Variants in MSRA observed in about 807,000 individuals in gnomAD.
MSRA encodes the protein mitochondrial peptide methionine sulfoxide reductase.
MSRA carries 54 observed loss-of-function variants against 31.3 expected under a neutral mutation model. That is an observed-to-expected ratio of 1.73 (90% confidence interval 1.39 to 2.17). The LOEUF is 2.17. Ranked by LOEUF, MSRA falls within the 30% of genes most tolerant of loss-of-function variation. The pLI is 0.00. For missense variants in MSRA, 507 were observed against 300.9 expected (o/e 1.69, Z -5.07); for synonymous variants, 169 against 116.5 (o/e 1.45, Z -2.90).
chr8:10,414,190 A>T (rs1808323423), intron 5 of MSRA, among the ~76,000 whole-genome samples: 1 of 152,112 alleles, frequency 6.6e-6, no homozygotes, highest in Non-Finnish European at 1.5e-5. Flanking sequence ...AACGAATTTT[A>T]TGTGAACTAC....
chr8:10,394,492 C>T (rs1404860118), intron 5 of MSRA, among the ~76,000 whole-genome samples: 2 of 152,234 alleles, frequency 1.3e-5, no homozygotes, highest in African/African-American at 4.8e-5. Flanking sequence ...ATTTGACTAG[C>T]TCATTTTCAG....
chr8:10,253,113 A>G (rs1276249031), intron 3 of MSRA, among the ~76,000 whole-genome samples: 1 of 152,224 alleles, frequency 6.6e-6, no homozygotes, highest in African/African-American at 2.4e-5. Flanking sequence ...GCTGGCAAGC[A>G]GCAAAACATA....
intron 1 of MSRA, among the ~76,000 whole-genome samples, chr8:10,119,838 G>T (rs1800976819): frequency 6.6e-6 from 1 of 152,124 alleles, no homozygotes; most frequent in Non-Finnish European, 1.5e-5. Context: ...TACCTAAGAG[G>T]GATAATTGGA....
At chr8:10,177,853 A>T (rs1806193436) in intron 1 of MSRA, among the ~76,000 whole-genome samples, 1 of 152,186 alleles carries the variant, frequency 6.6e-6, no homozygotes, top group African/African-American at 2.4e-5. Flanking sequence ...TTTCAATTGA[A>T]TTTGTCTATC....
At chr8:10,097,762 G>A (rs952487323) in intron 1 of MSRA, among the ~76,000 whole-genome samples, 15 of 152,102 alleles carry the variant, frequency 9.9e-5, no homozygotes, top group African/African-American at 3.6e-4. Context: ...TTATTTTCCA[G>A]CAGTATGATC....
At chr8:10,348,542 G>C (rs1803933682) in intron 5 of MSRA, among the ~76,000 whole-genome samples, 1 of 151,672 alleles carries the variant, frequency 6.6e-6, no homozygotes, top group South Asian at 2.1e-4. Context: ...GCTAATTTTT[G>C]TATTTTTAGT....
intron 1 of MSRA, among the ~76,000 whole-genome samples, chr8:10,174,013 C>T (rs954026290): frequency 2.0e-5 from 3 of 152,112 alleles, no homozygotes; most frequent in Admixed American, 6.5e-5. Context: ...GATGTGAGGA[C>T]TCGTGTCTAC....
chr8:10,384,401 A>G, intron 5 of MSRA, among the ~76,000 whole-genome samples: 1 of 152,234 alleles, frequency 6.6e-6, no homozygotes, highest in Non-Finnish European at 1.5e-5. Flanking sequence ...TAAAGCCCTG[A>G]TGGTGGTCTG....
At chr8:10,365,295 C>T (rs1805097616) in intron 5 of MSRA, among the ~76,000 whole-genome samples, 1 of 152,098 alleles carries the variant, frequency 6.6e-6, no homozygotes, top group Non-Finnish European at 1.5e-5. Flanking sequence ...GTGGTGGTTT[C>T]CAATGGAGCC....
intron 5 of MSRA, among the ~76,000 whole-genome samples, chr8:10,364,613 C>G (rs76992324): frequency 1.3e-5 from 2 of 152,314 alleles, no homozygotes; most frequent in South Asian, 2.1e-4. Context: ...TTCCACTTGA[C>G]AGGAGGCTGA....
intron 1 of MSRA, among the ~76,000 whole-genome samples, chr8:10,180,749 A>G (rs917698426): frequency 1.3e-5 from 2 of 152,194 alleles, no homozygotes; most frequent in Non-Finnish European, 2.9e-5. Flanking sequence ...TTTGTCTGGT[A>G]TCAGACACTG....
At chr8:10,102,171 T>C (rs1799574098) in intron 1 of MSRA, among the ~76,000 whole-genome samples, 2 of 152,360 alleles carry the variant, frequency 1.3e-5, no homozygotes, top group African/African-American at 4.8e-5. Context: ...TGTAGGTTTA[T>C]GTCTTTTGCT....
chr8:10,201,282 G>A (rs999518744), intron 1 of MSRA, among the ~76,000 whole-genome samples: 15 of 152,120 alleles, frequency 9.9e-5, no homozygotes, highest in African/African-American at 3.6e-4. Flanking sequence ...TATGGGTTGG[G>A]TTGGCATGGG....
intron 2 of MSRA, among the ~76,000 whole-genome samples, chr8:10,237,353 G>T (rs1277314719): frequency 2.0e-5 from 3 of 152,176 alleles, no homozygotes; most frequent in Non-Finnish European, 4.4e-5. Context: ...GCTTCCAGGT[G>T]GTTTTAAAAT....
intron 2 of MSRA, among the ~76,000 whole-genome samples, chr8:10,234,427 A>G (rs538278119): frequency 5.3e-5 from 8 of 152,090 alleles, no homozygotes; most frequent in African/African-American, 9.7e-5. Flanking sequence ...GTATGTAACA[A>G]TTGTAAGGGT....
At chr8:10,363,587 T>C (rs1408677205) in intron 5 of MSRA, among the ~76,000 whole-genome samples, 1 of 152,164 alleles carries the variant, frequency 6.6e-6, no homozygotes, top group Non-Finnish European at 1.5e-5. Flanking sequence ...GGGCAGGATC[T>C]ACATCTGCGT....
intron 5 of MSRA, among the ~76,000 whole-genome samples, chr8:10,330,540 T>C (rs752006971): frequency 1.7e-4 from 26 of 152,226 alleles, no homozygotes; most frequent in Non-Finnish European, 2.9e-4. Context: ...TACAGATTCA[T>C]TGCCAGACTT....
intron 2 of MSRA, among the ~76,000 whole-genome samples, chr8:10,237,310 A>C (rs114256593): frequency 6.6e-6 from 1 of 152,228 alleles, no homozygotes; most frequent in Non-Finnish European, 1.5e-5. Flanking sequence ...ACATCTGGCT[A>C]CTGTCCGGGG....
chr8:10,156,493 T>A (rs1304915230), intron 1 of MSRA, among the ~76,000 whole-genome samples: 1 of 152,146 alleles, frequency 6.6e-6, no homozygotes, highest in Non-Finnish European at 1.5e-5. Flanking sequence ...TCTTGGTGAA[T>A]GTAGGTGGAG....
Sources: gnomAD v4.1 joint callset for allele counts (sites outside exome capture counted in the v4.1 genomes callset) on GRCh38, gnomAD v4.1.1 for gene constraint, MANE v1.5 for transcripts, NCBI Gene and HGNC (gene_info 2026-07-23, HGNC 2026-07-21) for gene names.